Variants in RBFOX1 observed in about 807,000 individuals in gnomAD.
RBFOX1 encodes the protein RNA binding fox-1 homolog 1, also known as RNA binding protein fox-1 homolog 1.
RBFOX1 carries 8 observed loss-of-function variants against 57.7 expected under a neutral mutation model. That is an observed-to-expected ratio of 0.14 (90% confidence interval 0.08 to 0.25). The LOEUF (loss-of-function observed/expected upper bound fraction) is 0.25. Among genes scored for constraint, RBFOX1 ranks in the 10% least tolerant of loss-of-function variants. The pLI is 1.00. For synonymous variants in RBFOX1, 326 were observed against 222.4 expected, an observed-to-expected ratio of 1.47 and a Z score of -4.15; for missense variants, 611 against 548.5, an observed-to-expected ratio of 1.11 and a Z score of -1.14.
intron 1 of RBFOX1, among the ~76,000 whole-genome samples, chr16:5,316,436 G>A (rs1528332): frequency 0.75 from 114,109 of 152,104 alleles, 43,515 homozygotes; most frequent in East Asian, 0.87. Flanking sequence ...GATGGTTGGC[G>A]TGGAGCAGCT....
chr16:6,324,019 C>T (rs754103823), intron 2 of RBFOX1, among the ~76,000 whole-genome samples: 4 of 152,232 alleles, frequency 2.6e-5, no homozygotes, highest in East Asian at 3.9e-4. Flanking sequence ...GTGGTCTGCC[C>T]GCCTCAGCCT....
chr16:6,506,683 T>C (rs1306559543), intron 2 of RBFOX1, among the ~76,000 whole-genome samples: 1 of 132,350 alleles, frequency 7.6e-6, no homozygotes, highest in Non-Finnish European at 1.6e-5. Context: ...AGTCTCGCTT[T>C]GTCTCCCAGG....
At chr16:5,553,985 T>C (rs77782987) in intron 2 of RBFOX1, among the ~76,000 whole-genome samples, 1 of 151,198 alleles carries the variant, frequency 6.6e-6, no homozygotes, top group African/African-American at 2.4e-5. Context: ...TTTTTTTTTT[T>C]TGAGACAGAG....
At chr16:5,528,303 C>T (rs28416988) in intron 2 of RBFOX1, among the ~76,000 whole-genome samples, 55,681 of 151,760 alleles carry the variant, frequency 0.37, 11,659 homozygotes, top group East Asian at 0.85. Flanking sequence ...TTTCTGGCCC[C>T]CACCCTAGAG....
intron 4 of RBFOX1, among the ~76,000 whole-genome samples, chr16:7,390,157 A>T (rs922753186): frequency 6.6e-6 from 1 of 152,166 alleles, no homozygotes; most frequent in Non-Finnish European, 1.5e-5. Flanking sequence ...TGAAAACTCT[A>T]TCAAAAGAAC....
chr16:7,268,718 C>G (rs1343213817), intron 4 of RBFOX1, among the ~76,000 whole-genome samples: 1 of 152,030 alleles, frequency 6.6e-6, no homozygotes, highest in African/African-American at 2.4e-5. Context: ...TGGGACTAGC[C>G]TTTTTCTCAC....
intron 1 of RBFOX1, among the ~76,000 whole-genome samples, chr16:5,307,073 T>G (rs2063957652): frequency 1.3e-5 from 2 of 149,196 alleles, no homozygotes; most frequent in African/African-American, 5.0e-5. Flanking sequence ...GGGGGTGGAG[T>G]GGGGGAGCAG....
rs186117484 is a variant in RBFOX1 at position 6,284,275 on chromosome 16, A to G, written c.-126-32720A>G. On this transcript the variant is annotated intron_variant, in intron 1 of 15. Coordinates refer to ENST00000550418, the MANE Select transcript of RBFOX1 (RefSeq NM_018723.4). ...ACCAGTTTGCTCGATCTCTTTTCCTATGCCGTCAGGACAGCTCTGGGGTAG... is the reference window on the plus strand; with the variant it reads ...ACCAGTTTGCTCGATCTCTTTTCCTGTGCCGTCAGGACAGCTCTGGGGTAG... Among the ~76,000 whole-genome samples the G allele has an allele frequency of 5.4e-3, 818 of 152,202 alleles. 4 individuals are homozygous for G. Among genetic ancestry groups the G allele is most frequent in the Non-Finnish European group, 9.1e-3 (621 of 67,996 alleles).
At chr16:7,226,747 G>A (rs1399445244) in intron 4 of RBFOX1, among the ~76,000 whole-genome samples, 2 of 152,306 alleles carry the variant, frequency 1.3e-5, no homozygotes, top group African/African-American at 4.8e-5. Flanking sequence ...CAAGAGGACT[G>A]GTAGGATTCC....
intron 3 of RBFOX1, among the ~76,000 whole-genome samples, chr16:7,015,419 A>T (rs867469149): frequency 3.7e-4 from 56 of 152,192 alleles, no homozygotes; most frequent in Admixed American, 1.3e-4. Flanking sequence ...TTATAGACTT[A>T]TGGAATCTGA....
At chr16:7,526,598 T>A (rs936670944) in intron 5 of RBFOX1, among the ~76,000 whole-genome samples, 1 of 152,214 alleles carries the variant, frequency 6.6e-6, no homozygotes, top group African/African-American at 2.4e-5. Context: ...CTCATGTACT[T>A]ACATTGAAAG....
intron 14 of RBFOX1, among the ~76,000 whole-genome samples, chr16:7,700,910 TGA>T (rs1388284609): frequency 6.6e-6 from 1 of 152,206 alleles, no homozygotes; most frequent in Non-Finnish European, 1.5e-5. Context: ...GTAAATGGTC[TGA>T]GTCTTTTAGA....
intron 2 of RBFOX1, among the ~76,000 whole-genome samples, chr16:6,558,330 G>A (rs1003773583): frequency 2.0e-5 from 3 of 152,270 alleles, no homozygotes; most frequent in East Asian, 3.9e-4. Flanking sequence ...TGCCGCTGCT[G>A]CTGCTGCTCC....
intron 2 of RBFOX1, among the ~76,000 whole-genome samples, chr16:6,637,501 A>C (rs1209601066): frequency 1.1e-5 from 1 of 93,380 alleles, no homozygotes; most frequent in Non-Finnish European, 2.0e-5. Flanking sequence ...ATTATATATA[A>C]TATTCTATAT....
At chr16:5,536,345 C>A (rs1261977743) in intron 2 of RBFOX1, among the ~76,000 whole-genome samples, 1 of 150,822 alleles carries the variant, frequency 6.6e-6, no homozygotes, top group African/African-American at 2.4e-5. Flanking sequence ...AGCGATTCTC[C>A]TGCCTCAGCC....
chr16:6,831,105 T>A (rs2092678521), intron 3 of RBFOX1, among the ~76,000 whole-genome samples: 1 of 152,242 alleles, frequency 6.6e-6, no homozygotes, highest in Non-Finnish European at 1.5e-5. Flanking sequence ...AGATTCATAC[T>A]ACTCCATTAT....
intron 4 of RBFOX1, among the ~76,000 whole-genome samples, chr16:7,292,190 T>G (rs1304243493): frequency 4.1e-5 from 5 of 123,024 alleles, no homozygotes; most frequent in Non-Finnish European, 3.3e-5. Flanking sequence ...ATATATGATA[T>G]AGAACGTATT....
chr16:5,674,016 C>G (rs2050093576), intron 3 of RBFOX1, among the ~76,000 whole-genome samples: 1 of 152,158 alleles, frequency 6.6e-6, no homozygotes, highest in Non-Finnish European at 1.5e-5. Context: ...AGGGACTATG[C>G]CAGTTGCTTT....
intron 11 of RBFOX1, among the ~76,000 whole-genome samples, chr16:7,631,318 G>C (rs941201095): frequency 2.0e-5 from 3 of 152,188 alleles, no homozygotes; most frequent in East Asian, 1.9e-4. Context: ...CGGGAGGGAA[G>C]AGACCCAAAA....
Sources: allele counts gnomAD v4.1 joint callset (sites outside exome capture counted in the v4.1 genomes callset), GRCh38; gene constraint gnomAD v4.1.1; transcripts MANE v1.5; gene names NCBI Gene and HGNC (gene_info 2026-07-23, HGNC 2026-07-21).